GLUD1: variants seen among roughly 807,000 people sequenced by gnomAD.
The protein encoded by GLUD1 is glutamate dehydrogenase 1.
A neutral mutation model predicts 56.0 loss-of-function variants in GLUD1; 22 were observed. The ratio of observed to expected loss-of-function variants is 0.39; its 90% CI spans 0.28 to 0.56. GLUD1 has a LOEUF of 0.56. Ranked by LOEUF, GLUD1 falls within the 20% of genes least tolerant of loss-of-function variation. GLUD1 has a pLI of 0.58. For synonymous variants in GLUD1, 223 were observed against 269.9 expected (o/e 0.83, Z 1.70); for missense variants, 451 against 732.0 (o/e 0.62, Z 4.43).
At position 87,094,529 on chromosome 10, in the gene GLUD1, C is replaced by T. The variant is rs201593284; in HGVS notation, c.241G>A (p.Val81Met). 1.5e-5 allele frequency: 24 copies of T among 1,612,670 alleles called. No individual in the cohort carries two copies. The highest frequency in any genetic ancestry group is 1.8e-5 in the Non-Finnish European group (21 of 1,179,962). Residue 81 changes from valine (V) to methionine (M), a missense_variant, in exon 1 of 13, where the codon GTG becomes ATG. By Grantham distance (21) the Val-to-Met change is conservative. Around this residue, in one of 4 missense-constraint regions of GLUD1, gnomAD observed 158 missense variants for 189.7 expected, o/e 0.83. Coordinates refer to ENST00000277865, the MANE Select transcript of GLUD1 (RefSeq NM_005271.5). The surrounding 1 kb of genome is among the most constrained non-coding windows in gnomAD (Gnocchi z 6.6). ...EGFFDRGASIVEDKLVEDLRT... is the reference protein window; with the variant it reads ...EGFFDRGASIMEDKLVEDLRT... ...AGGTCCTCCACCAGCTTGTCCTCCACGATGCTGGCGCCGCGATCGAAGAAG... is the reference window on the plus strand; with the variant it reads ...AGGTCCTCCACCAGCTTGTCCTCCATGATGCTGGCGCCGCGATCGAAGAAG...
In GLUD1 at chr10:87,094,509, C is replaced by T; in HGVS notation, c.261G>A (p.Glu87=). ...CCTCGCTCTCCCGGGTCCTCAGGTCCTCCACCAGCTTGTCCTCCACGATGC... is the reference window on the plus strand; with the variant it reads ...CCTCGCTCTCCCGGGTCCTCAGGTCTTCCACCAGCTTGTCCTCCACGATGC... ...GASIVEDKLV[E]DLRTRESEEQ... The change falls in exon 1 of 13, where the codon GAG becomes GAA. Residue 87 remains glutamate, a synonymous_variant. Coordinates refer to ENST00000277865, the MANE Select transcript of GLUD1 (RefSeq NM_005271.5). This position sits in a 1 kb window ranked among gnomAD's most constrained non-coding sequence, Gnocchi z 6.6. 1 of 1,613,352 alleles carries T rather than the reference C, an allele frequency of 6.2e-7. No homozygotes were observed. Among genetic ancestry groups the T allele is most frequent in the Non-Finnish European group, 8.5e-7 (1 of 1,179,974 alleles).
chr10:87,069,947 A>G (rs1846186272), intron 4 of GLUD1, among the ~76,000 whole-genome samples: 1 of 152,184 alleles, frequency 6.6e-6, no homozygotes, highest in Non-Finnish European at 1.5e-5. Flanking sequence ...AGCCTCATCC[A>G]CTGACAAAAG....
chr10:87,081,921 G>A (rs1414246871), intron 1 of GLUD1, among the ~76,000 whole-genome samples: 1 of 109,274 alleles, frequency 9.2e-6, no homozygotes, highest in Non-Finnish European at 1.8e-5. Flanking sequence ...CCCCCTCTGT[G>A]AGAAACACCC....
At chr10:87,073,610 CTTTTTTTTTTTTTT>C (rs71019462) in intron 4 of GLUD1, among the ~76,000 whole-genome samples, 10 of 74,168 alleles carry the variant, frequency 1.3e-4, no homozygotes, top group African/African-American at 4.5e-4. Flanking sequence ...AATTAACATT[CTTTTTTTTTTTTTT>C]TTTTTTTTTT....
intron 6 of GLUD1, 90 bp from the exon 7 acceptor site, chr10:87,061,142 G>T: frequency 1.7e-6 from 2 of 1,210,276 alleles, no homozygotes; most frequent in Non-Finnish European, 1.2e-6. Flanking sequence ...TCCATACTCT[G>T]TTTATTTAGA....
In GLUD1 at chr10:87,094,810, G is replaced by A; in HGVS notation, c.-41C>T. On this transcript the variant is annotated 5_prime_UTR_variant, in exon 1 of 13. Transcript: ENST00000277865. The surrounding 1 kb of genome is among the most constrained non-coding windows in gnomAD (Gnocchi z 6.6). ...GGAGGTGCGTGATGGTCGCGAAACA[G>A]GCGCGCTTTCTCAGACTCCCCGCGA... 3 of 1,479,264 alleles carry A rather than the reference G, an allele frequency of 2.0e-6. No homozygotes were observed. The highest frequency in any genetic ancestry group is 2.4e-5 in the South Asian group (2 of 84,000). The allele number at this position is 1,479,264 out of a possible 1,614,324, so 91.6% of individuals were successfully genotyped here. A position where few individuals can be genotyped will look rare whatever the true frequency, so the allele number is the denominator to read the frequency against.
chr10:87,075,466 A>G (rs1446974963), intron 3 of GLUD1, among the ~76,000 whole-genome samples: 1 of 152,150 alleles, frequency 6.6e-6, no homozygotes, highest in Non-Finnish European at 1.5e-5. Flanking sequence ...GGATATAGAT[A>G]TTAAGTAGGT....
intron 3 of GLUD1, among the ~76,000 whole-genome samples, chr10:87,075,315 C>T (rs1313864950): frequency 1.3e-5 from 2 of 151,808 alleles, no homozygotes; most frequent in Non-Finnish European, 2.9e-5. Flanking sequence ...TAAGTGAAGA[C>T]ATTATATAAA....
chr10:87,068,571 G>C (rs1389976069), intron 4 of GLUD1, among the ~76,000 whole-genome samples: 1 of 152,196 alleles, frequency 6.6e-6, no homozygotes. Flanking sequence ...ACATGTATGA[G>C]ATAGCAGAGT....
intron 11 of GLUD1, 93 bp downstream of exon 11, chr10:87,057,598 C>T: frequency 1.3e-6 from 1 of 791,676 alleles, no homozygotes. Flanking sequence ...ATTACAAAGA[C>T]TATGCCGCAG....
intron 2 of GLUD1, 85 bp downstream of exon 2, chr10:87,076,491 A>G: frequency 1.1e-6 from 1 of 873,662 alleles, no homozygotes; most frequent in Admixed American, 1.7e-5. Flanking sequence ...GATAAGGTAT[A>G]TTTCTACAGC....
intron 1 of GLUD1, among the ~76,000 whole-genome samples, chr10:87,077,005 C>T (rs1018587347): frequency 6.7e-6 from 1 of 149,210 alleles, no homozygotes; most frequent in African/African-American, 2.5e-5. Flanking sequence ...ATTCAGGTTG[C>T]TTTTTTTTGG....
At chr10:87,065,944 G>C (rs577824730) in intron 5 of GLUD1, among the ~76,000 whole-genome samples, 1 of 152,078 alleles carries the variant, frequency 6.6e-6, no homozygotes, top group Non-Finnish European at 1.5e-5. Flanking sequence ...CCCAGCCACA[G>C]CATGACATCA....
Position 87,094,670 on chromosome 10 carries a change from G to C in GLUD1, c.100C>G (p.Arg34Gly). ...ADSAALLGWARGQPAAAPQPG... is the reference protein window; with the variant it reads ...ADSAALLGWAGGQPAAAPQPG... ...TGCGGGGCGGCGGCGGGCTGTCCCC[G>C]GGCCCAGCCCAGCAACGCGGCCGAG... Residue 34 changes from arginine (R) to glycine (G), a missense_variant, in exon 1 of 13, where the codon CGG becomes GGG. Transcript: ENST00000277865. This position sits in a 1 kb window ranked among gnomAD's most constrained non-coding sequence, Gnocchi z 6.6. 1.3e-6 allele frequency: 2 copies of C among 1,559,426 alleles called. No homozygotes were observed. Among genetic ancestry groups the C allele is most frequent in the Non-Finnish European group, 1.7e-6 (2 of 1,152,494 alleles).
intron 6 of GLUD1, chr10:87,061,323 A>T: frequency 1.8e-6 from 1 of 559,922 alleles, no homozygotes; most frequent in Non-Finnish European, 3.4e-6. Flanking sequence ...GGAGTTCGAG[A>T]TCAGCCATGG....
chr10:87,053,201 A>G, intron 12 of GLUD1, 141 bp downstream of exon 12: 2 of 696,950 alleles, frequency 2.9e-6, no homozygotes, highest in Non-Finnish European at 5.3e-6. Context: ...CTGAAAAAAC[A>G]TGTGTTTTGC....
chr10:87,067,301 C>G (rs1326333778), intron 5 of GLUD1, among the ~76,000 whole-genome samples: 1 of 152,188 alleles, frequency 6.6e-6, no homozygotes, highest in African/African-American at 2.4e-5. Flanking sequence ...TGCTGTGGTG[C>G]AACCACAGCT....
intron 1 of GLUD1, among the ~76,000 whole-genome samples, chr10:87,080,273 G>T (rs1841181824): frequency 6.6e-6 from 1 of 152,082 alleles, no homozygotes; most frequent in African/African-American, 2.4e-5. Context: ...GCAGTGGCGT[G>T]ATCTCGGCTC....
rs185468863 is a variant in GLUD1, at chr10:87,090,641, C to T, written c.445+3684G>A. The stretch of plus-strand genomic sequence containing the variant: ...TAAGATGTATTAAAAACAACAACCT[C>T]GGGGCTAAGTGCTTTTAAAAGACAC... On this transcript the variant is annotated intron_variant, in intron 1 of 12. Coordinates refer to ENST00000277865, the MANE Select transcript of GLUD1 (RefSeq NM_005271.5). Among the ~76,000 whole-genome samples the T allele has an allele frequency of 6.4e-3, 970 of 152,278 alleles. 3 individuals are homozygous for T. The highest frequency in any genetic ancestry group is 9.6e-3 in the Non-Finnish European group (652 of 68,004).
Sources: allele counts gnomAD v4.1 joint callset (sites outside exome capture counted in the v4.1 genomes callset), GRCh38; gene constraint gnomAD v4.1.1; regional missense constraint gnomAD v4.1.1; non-coding constraint Gnocchi (gnomAD v3.1); transcripts MANE v1.5; gene names NCBI Gene and HGNC (gene_info 2026-07-23, HGNC 2026-07-21).